Variants in RARB observed in about 807,000 individuals in gnomAD.
RARB encodes the protein retinoic acid receptor beta.
Under a neutral mutation model 51.9 loss-of-function variants are expected in RARB, and 17 were observed. The observed-to-expected ratio is 0.33, with a 90% CI of 0.22 to 0.49. RARB has a LOEUF of 0.49. Ranked by LOEUF, RARB falls within the 20% of genes least tolerant of loss-of-function variation. The pLI is 0.99. For synonymous variants in RARB, 215 were observed against 195.4 expected (o/e 1.10, Z -0.84); for missense variants, 369 against 550.8 (o/e 0.67, Z 3.30).
At chr3:25,526,170 A>G (rs752389917) in intron 3 of RARB, among the ~76,000 whole-genome samples, 2 of 152,234 alleles carry the variant, frequency 1.3e-5, no homozygotes, top group Admixed American at 6.5e-5. Flanking sequence ...CAGGTAGGAG[A>G]GCAAAGGGGA....
chr3:24,949,393 T>A (rs946055869), intron 2 of RARB, among the ~76,000 whole-genome samples: 1 of 152,180 alleles, frequency 6.6e-6, no homozygotes, highest in Non-Finnish European at 1.5e-5. Context: ...AGACCTTCAA[T>A]TCGCCTACTA....
chr3:25,456,869 T>C (rs1475694457), intron 1 of RARB, among the ~76,000 whole-genome samples: 1 of 151,836 alleles, frequency 6.6e-6, no homozygotes, highest in African/African-American at 2.4e-5. Flanking sequence ...ATTCAAATTA[T>C]AAAAACAGTA....
chr3:25,167,204 C>G (rs1315980103), intron 4 of RARB, among the ~76,000 whole-genome samples: 1 of 152,204 alleles, frequency 6.6e-6, no homozygotes, highest in Non-Finnish European at 1.5e-5. Context: ...GTTTCCCAAA[C>G]TTATTTGACC....
intron 5 of RARB, among the ~76,000 whole-genome samples, chr3:25,212,573 G>A (rs376580186): frequency 3.3e-5 from 5 of 152,236 alleles, no homozygotes; most frequent in African/African-American, 7.2e-5. Context: ...AGCTGAGATC[G>A]CACTACTGCA....
intron 2 of RARB, among the ~76,000 whole-genome samples, chr3:24,974,573 T>G (rs532460696): frequency 2.2e-4 from 33 of 152,272 alleles, no homozygotes; most frequent in Middle Eastern, 3.4e-3. Context: ...TATTCACCAT[T>G]ACATCAATAA....
chr3:25,077,392 A>G (rs749851338), intron 3 of RARB, among the ~76,000 whole-genome samples: 84 of 152,256 alleles, frequency 5.5e-4, no homozygotes, highest in Non-Finnish European at 1.0e-3. Flanking sequence ...TGAGTCAACC[A>G]GTGTTCTGAT....
intron 3 of RARB, among the ~76,000 whole-genome samples, chr3:25,072,487 T>G (rs1402997371): frequency 2.0e-5 from 3 of 152,092 alleles, no homozygotes; most frequent in East Asian, 1.9e-4. Context: ...GATCCATTTT[T>G]GGGGGAGCAC....
chr3:25,418,783 A>G (rs1437500940), intron 5 of RARB, among the ~76,000 whole-genome samples: 2 of 152,096 alleles, frequency 1.3e-5, no homozygotes, highest in Non-Finnish European at 2.9e-5. Flanking sequence ...CATCAAGCAT[A>G]AGGAATTTCT....
intron 3 of RARB, among the ~76,000 whole-genome samples, chr3:25,513,411 C>G (rs536444256): frequency 9.9e-5 from 15 of 152,162 alleles, no homozygotes; most frequent in African/African-American, 3.4e-4. Context: ...GTCTGATCTT[C>G]CAAGAGTTAA....
At chr3:25,287,525 C>A (rs960923747) in intron 5 of RARB, among the ~76,000 whole-genome samples, 4 of 152,164 alleles carry the variant, frequency 2.6e-5, no homozygotes, top group Non-Finnish European at 5.9e-5. Flanking sequence ...TCCATCCATC[C>A]TATCCTGGTC....
chr3:25,007,025 T>C (rs2125277786), intron 2 of RARB, among the ~76,000 whole-genome samples: 1 of 152,314 alleles, frequency 6.6e-6, no homozygotes. Context: ...TGAATAAGAA[T>C]GAGTTGCAGA....
intron 5 of RARB, among the ~76,000 whole-genome samples, chr3:25,422,011 T>A (rs2125507688): frequency 6.6e-6 from 1 of 152,302 alleles, no homozygotes; most frequent in Non-Finnish European, 1.5e-5. Context: ...CCTATTAATG[T>A]GAAAGCCACC....
At chr3:24,974,217 A>G (rs59515749) in intron 2 of RARB, among the ~76,000 whole-genome samples, 19,653 of 151,882 alleles carry the variant, frequency 0.13, 1,449 homozygotes, top group Non-Finnish European at 0.17. Context: ...CATATGGTTT[A>G]TGTTCTTGGT....
intron 5 of RARB, among the ~76,000 whole-genome samples, chr3:25,396,157 A>G (rs62237590): frequency 6.6e-6 from 1 of 152,204 alleles, no homozygotes; most frequent in African/African-American, 2.4e-5. Context: ...CAGCAGAGCT[A>G]CTGGGCTCCA....
intron 5 of RARB, among the ~76,000 whole-genome samples, chr3:25,303,891 G>C (rs888887106): frequency 3.3e-5 from 5 of 152,094 alleles, no homozygotes; most frequent in Admixed American, 1.3e-4. Flanking sequence ...ACTGTGGGTG[G>C]CCCACAGGTT....
intron 2 of RARB, among the ~76,000 whole-genome samples, chr3:24,931,805 C>T (rs778865216): frequency 1.3e-5 from 2 of 152,000 alleles, no homozygotes; most frequent in African/African-American, 4.8e-5. Flanking sequence ...AACTTGCTAG[C>T]AAATAGTAGG....
chr3:25,041,254 A>T lies in RARB; in HGVS notation c.-379-18871A>T, dbSNP rs572080665. Among the ~76,000 whole-genome samples, 10 of 152,282 alleles carry T rather than the reference A, an allele frequency of 6.6e-5. No individual in the cohort carries two copies. The East Asian group carries it at 1.9e-3, about 29-fold the overall frequency. The stretch of plus-strand genomic sequence containing the variant: ...TTACCACCCTAAATTTCCTACCTGT[A>T]AAAAGAAGTGTCTTTTCCAGCACTA... On this transcript the variant is annotated intron_variant, in intron 2 of 11. Coordinates refer to the RARB transcript ENST00000383772.
intron 5 of RARB, among the ~76,000 whole-genome samples, chr3:25,385,098 C>G (rs1430582048): frequency 6.6e-6 from 1 of 152,162 alleles, no homozygotes; most frequent in South Asian, 2.1e-4. Flanking sequence ...CACACTTGTC[C>G]TCTCTTTATC....
chr3:25,287,806 A>T (rs1488788137), intron 5 of RARB, among the ~76,000 whole-genome samples: 1 of 152,130 alleles, frequency 6.6e-6, no homozygotes, highest in Non-Finnish European at 1.5e-5. Flanking sequence ...ACATCTTGAG[A>T]AATGATTGCA....
Sources: gnomAD v4.1 joint callset for allele counts (sites outside exome capture counted in the v4.1 genomes callset) on GRCh38, gnomAD v4.1.1 for gene constraint, MANE v1.5 for transcripts, NCBI Gene and HGNC (gene_info 2026-07-23, HGNC 2026-07-21) for gene names.